Variants in PPP1R12A observed in about 807,000 individuals in gnomAD.
PPP1R12A encodes myosin binding subunit.
A neutral mutation model predicts 139.6 loss-of-function variants in PPP1R12A; 19 were observed. The ratio of observed to expected loss-of-function variants is 0.14; its 90% CI spans 0.09 to 0.20. The LOEUF (loss-of-function observed/expected upper bound fraction) is 0.20, where lower values mean the gene tolerates loss of function less well. Ranked by LOEUF, PPP1R12A falls within the 10% of genes least tolerant of loss-of-function variation. PPP1R12A has a pLI of 1.00. For missense variants in PPP1R12A, 925 were observed against 1,211.5 expected, an observed-to-expected ratio of 0.76 and a Z score of 3.51; for synonymous variants, 427 against 420.6, an observed-to-expected ratio of 1.02 and a Z score of -0.19.
intron 5 of PPP1R12A, among the ~76,000 whole-genome samples, chr12:79,826,472 G>A (rs1876786965): frequency 6.6e-6 from 1 of 151,016 alleles, no homozygotes. Context: ...CCATGTAGCT[G>A]GGATTACAGG....
chr12:79,854,207 C>CTGTG (rs1177576862), intron 2 of PPP1R12A, among the ~76,000 whole-genome samples: 1 of 151,776 alleles, frequency 6.6e-6, no homozygotes, highest in East Asian at 1.9e-4. Flanking sequence ...GAGAATGATA[C>CTGTG]TGTGTGTGTG....
intron 22 of PPP1R12A, among the ~76,000 whole-genome samples, chr12:79,784,558 C>T (rs2136983516): frequency 6.6e-6 from 1 of 152,298 alleles, no homozygotes; most frequent in Admixed American, 6.5e-5. Flanking sequence ...GAGCAGAACA[C>T]AGAGAAGGCA....
chr12:79,870,388 G>A (rs1882446754), intron 2 of PPP1R12A, among the ~76,000 whole-genome samples: 1 of 152,126 alleles, frequency 6.6e-6, no homozygotes, highest in Non-Finnish European at 1.5e-5. Flanking sequence ...ACAGGCATGA[G>A]CCACCATGCC....
chr12:79,875,284 C>CCCCATGTA (rs1592752338), intron 1 of PPP1R12A, among the ~76,000 whole-genome samples: 4 of 152,282 alleles, frequency 2.6e-5, no homozygotes, highest in Admixed American at 6.5e-5. Context: ...GAGATGCAAT[C>CCCCATGTA]CCCATGTATT....
chr12:79,817,558 T>C (rs780018599), intron 8 of PPP1R12A, 40 bp from the exon 9 acceptor site: 6 of 1,527,132 alleles, frequency 3.9e-6, no homozygotes, highest in Non-Finnish European at 4.4e-6. Flanking sequence ...ATTCCATATA[T>C]ATTTGGTCTC....
rs560683780 is a variant in PPP1R12A at position 79,908,888 on chromosome 12, T to C, written c.237+25807A>G. ...GTGAGCCCTGGAGCAACAGAACACA[T>C]TAGCTGGCAAGAGTAAGACCTTGGT... is the stretch of plus-strand genomic sequence containing the variant. On this transcript the variant is annotated intron_variant, in intron 1 of 24. Coordinates refer to ENST00000450142, the MANE Select transcript of PPP1R12A (RefSeq NM_002480.3). 4.6e-5 allele frequency among the ~76,000 whole-genome samples: 7 copies of C among 152,254 alleles called. No homozygotes were observed. The South Asian group carries it at 1.5e-3, about 32-fold the overall frequency.
chr12:79,781,493 A>G (rs186290841), intron 23 of PPP1R12A, among the ~76,000 whole-genome samples: 56 of 152,256 alleles, frequency 3.7e-4, no homozygotes, highest in Non-Finnish European at 5.3e-4. Flanking sequence ...GGTACAGGCC[A>G]TAAGAGATAA....
intron 2 of PPP1R12A, among the ~76,000 whole-genome samples, chr12:79,864,518 A>G (rs1025731399): frequency 6.6e-6 from 1 of 151,904 alleles, no homozygotes; most frequent in Non-Finnish European, 1.5e-5. Context: ...ACAGAGACAG[A>G]AAAAAAACCC....
At chr12:79,862,826 C>T (rs905223366) in intron 2 of PPP1R12A, among the ~76,000 whole-genome samples, 38 of 152,142 alleles carry the variant, frequency 2.5e-4, no homozygotes, top group African/African-American at 6.3e-4. Flanking sequence ...TGTGAAAAAA[C>T]GAAATCAATG....
intron 2 of PPP1R12A, among the ~76,000 whole-genome samples, chr12:79,846,596 A>AT (rs74933339): frequency 0.016 from 2,036 of 127,704 alleles, 15 homozygotes; most frequent in Middle Eastern, 0.028. Flanking sequence ...CGCGTGGCTC[A>AT]TTTTTTTTTT....
intron 2 of PPP1R12A, among the ~76,000 whole-genome samples, chr12:79,859,363 AAAAAAAC>A (rs1881056803): frequency 6.6e-6 from 1 of 150,748 alleles, no homozygotes; most frequent in Admixed American, 6.6e-5. Flanking sequence ...AGAAAAAAAA[AAAAAAAC>A]AACAGTGCTC....
intron 16 of PPP1R12A, 68 bp from the exon 17 acceptor site, chr12:79,797,018 A>G: frequency 6.7e-7 from 1 of 1,491,564 alleles, no homozygotes; most frequent in Non-Finnish European, 9.0e-7. Context: ...AAATACTTAA[A>G]AATTCATTTC....
At chr12:79,879,564 A>G (rs918039188) in intron 1 of PPP1R12A, among the ~76,000 whole-genome samples, 3 of 152,148 alleles carry the variant, frequency 2.0e-5, no homozygotes, top group African/African-American at 7.2e-5. Flanking sequence ...ATTGAACAAA[A>G]AGAACAAAAT....
At position 79,797,172 on chromosome 12, in the gene PPP1R12A, ATGTGCTTTTGATATAC is replaced by A; in HGVS notation, c.2292+7_2292+22del. 1 of 1,542,730 alleles carries A rather than the reference ATGTGCTTTTGATATAC, an allele frequency of 6.5e-7. No homozygotes were observed. Among genetic ancestry groups the A allele is most frequent in the Non-Finnish European group, 8.8e-7 (1 of 1,139,760 alleles). ...GGACTATTCATACCATTTGACTTAA[ATGTGCTTTTGATATAC>A]TGTTACCTCATCATACGTTCTGGAG... On this transcript the variant is annotated splice_region_variant and intron_variant, in intron 16 of 24. Transcript: ENST00000450142.
chr12:79,902,234 AAAC>A (rs1885710444), intron 1 of PPP1R12A, among the ~76,000 whole-genome samples: 1 of 152,168 alleles, frequency 6.6e-6, no homozygotes, highest in Non-Finnish European at 1.5e-5. Flanking sequence ...TGTTTCTAAC[AAAC>A]AACACCATTT....
Position 79,809,989 on chromosome 12 carries a change from T to A in PPP1R12A, c.1261A>T (p.Ile421Phe). Residue 421 changes from isoleucine (I) to phenylalanine (F), a missense_variant, in exon 10 of 25, where the codon ATT becomes TTT. By Grantham distance (21) the Ile-to-Phe change is conservative (BLOSUM62 0). Transcript: ENST00000450142. ...IKKFPTTATKISPKEEERKDE... is the reference protein window; with the variant it reads ...IKKFPTTATKFSPKEEERKDE... ...TTTCTCTCTTCTTCTTTGGGAGAAATTTTTGTAGCTGTGGTTGGAAACTGT... is the reference window on the plus strand; with the variant it reads ...TTTCTCTCTTCTTCTTTGGGAGAAAATTTTGTAGCTGTGGTTGGAAACTGT... 6.2e-7 allele frequency: 1 copy of A among 1,612,326 alleles called. No individual in the cohort carries two copies. Among genetic ancestry groups the A allele is most frequent in the Non-Finnish European group, 8.5e-7 (1 of 1,179,322 alleles).
Position 79,774,048 on chromosome 12 carries a change from A to G in PPP1R12A, c.*1881T>C, listed in dbSNP as rs1248584217. 3 of 152,146 alleles carry G rather than the reference A, an allele frequency of 2.0e-5. No individual in the cohort carries two copies. The highest frequency in any genetic ancestry group is 4.4e-5 in the Non-Finnish European group (3 of 68,014). 9.4% of individuals were successfully genotyped at this position (152,146 alleles called of 1,614,324 possible). A position where few individuals can be genotyped will look rare whatever the true frequency, so the allele number is the denominator to read the frequency against. Reference sequence around the variant, plus strand: ...TTAATCATTCTTCACAGGCATCCAAACTTCACAAATATAAACCATAGCATG... The same window carrying G: ...TTAATCATTCTTCACAGGCATCCAAGCTTCACAAATATAAACCATAGCATG... On this transcript the variant is annotated 3_prime_UTR_variant, in exon 25 of 25. Coordinates refer to ENST00000450142, the MANE Select transcript of PPP1R12A (RefSeq NM_002480.3).
At position 79,885,654 on chromosome 12, in the gene PPP1R12A, G is replaced by A. The variant is rs374909066; in HGVS notation, c.238-12716C>T. Among the ~76,000 whole-genome samples the A allele has an allele frequency of 4.6e-5, 7 of 152,158 alleles. No individual in the cohort carries two copies. In the East Asian group the frequency reaches 1.4e-3, roughly 29 times the overall value. ...TCATAAGTTTATATATGATTCAGAA[G>A]AGCAAAGCAAAAGAAAAGAGTTGTA... is the stretch of plus-strand genomic sequence containing the variant. On this transcript the variant is annotated intron_variant, in intron 1 of 24. Coordinates refer to ENST00000450142, the MANE Select transcript of PPP1R12A (RefSeq NM_002480.3).
intron 9 of PPP1R12A, among the ~76,000 whole-genome samples, chr12:79,813,851 C>G (rs944196705): frequency 6.6e-6 from 1 of 152,156 alleles, no homozygotes; most frequent in Non-Finnish European, 1.5e-5. Flanking sequence ...AAAACTGTTT[C>G]GTGTGCTTCC....
Sources: allele counts gnomAD v4.1 joint callset (sites outside exome capture counted in the v4.1 genomes callset), GRCh38; gene constraint gnomAD v4.1.1; transcripts MANE v1.5; gene names NCBI Gene and HGNC (gene_info 2026-07-23, HGNC 2026-07-21).